Variants in ASIC2 observed in about 807,000 individuals in gnomAD.
ASIC2 encodes the protein acid sensing ion channel subunit 2.
A neutral mutation model predicts 57.3 loss-of-function variants in ASIC2; 25 were observed. The observed-to-expected ratio is 0.44, with a 90% CI of 0.32 to 0.61. ASIC2 has a LOEUF of 0.61. ASIC2 is among the 20% of genes least tolerant of loss of function. The pLI, the probability that ASIC2 is intolerant of heterozygous loss-of-function variation, is 0.06. For missense variants in ASIC2, 641 were observed against 738.1 expected (o/e 0.87, Z 1.52); for synonymous variants, 319 against 307.5 (o/e 1.04, Z -0.39).
chr17:33,660,719 T>C (rs1267057189), intron 1 of ASIC2, among the ~76,000 whole-genome samples: 3 of 152,252 alleles, frequency 2.0e-5, no homozygotes, highest in Admixed American at 1.3e-4. Context: ...TGCTGCGCTA[T>C]GATACCACAT....
intron 1 of ASIC2, among the ~76,000 whole-genome samples, chr17:34,014,953 C>T (rs548282521): frequency 5.6e-4 from 85 of 151,582 alleles, no homozygotes; most frequent in African/African-American, 1.8e-3. Flanking sequence ...GGCACAATCA[C>T]GGCTCACTGA....
intron 1 of ASIC2, among the ~76,000 whole-genome samples, chr17:33,124,933 A>C (rs1320003176): frequency 6.6e-6 from 1 of 152,186 alleles, no homozygotes; most frequent in African/African-American, 2.4e-5. Flanking sequence ...GGCACAACCT[A>C]GATCCCTCAC....
chr17:33,539,574 A>T (rs773963710), intron 1 of ASIC2, among the ~76,000 whole-genome samples: 11 of 152,376 alleles, frequency 7.2e-5, no homozygotes, highest in Middle Eastern at 3.4e-3. Context: ...TAGAAGTGCA[A>T]CCATCGTGCA....
intron 1 of ASIC2, among the ~76,000 whole-genome samples, chr17:33,690,802 T>G (rs1485874167): frequency 7.1e-6 from 1 of 140,752 alleles, no homozygotes; most frequent in African/African-American, 2.7e-5. Context: ...CAGACTGGAG[T>G]TCAGTGGCGC....
intron 1 of ASIC2, among the ~76,000 whole-genome samples, chr17:33,743,304 C>T (rs898724904): frequency 1.3e-5 from 2 of 152,230 alleles, no homozygotes; most frequent in Non-Finnish European, 2.9e-5. Context: ...GCACTTGAGC[C>T]ACAACTTGCT....
chr17:33,447,681 A>G (rs11656936), intron 1 of ASIC2, among the ~76,000 whole-genome samples: 28,774 of 152,070 alleles, frequency 0.19, 2,989 homozygotes, highest in Middle Eastern at 0.25. Flanking sequence ...TTCAAGAGAG[A>G]TACAAAAGAG....
intron 1 of ASIC2, among the ~76,000 whole-genome samples, chr17:33,635,871 C>T (rs1012030310): frequency 1.3e-5 from 2 of 152,186 alleles, no homozygotes; most frequent in Non-Finnish European, 2.9e-5. Context: ...TGCTAAGGCA[C>T]ACACAAGGAT....
At chr17:33,149,464 A>G (rs1471580100) in intron 1 of ASIC2, among the ~76,000 whole-genome samples, 1 of 152,248 alleles carries the variant, frequency 6.6e-6, no homozygotes, top group East Asian at 1.9e-4. Context: ...GTTTGAGTGA[A>G]GTTGACTATT....
intron 1 of ASIC2, among the ~76,000 whole-genome samples, chr17:33,461,338 C>T (rs565815506): frequency 6.6e-6 from 1 of 152,188 alleles, no homozygotes; most frequent in African/African-American, 2.4e-5. Context: ...TTTCCCATTG[C>T]CCTTCTCTAT....
At chr17:33,174,952 G>T (rs1235392754) in intron 1 of ASIC2, among the ~76,000 whole-genome samples, 1 of 152,154 alleles carries the variant, frequency 6.6e-6, no homozygotes, top group East Asian at 1.9e-4. Context: ...CTCTGTCCTT[G>T]TGGATGGACC....
chr17:33,897,722 A>G (rs921091647), intron 1 of ASIC2, among the ~76,000 whole-genome samples: 3 of 152,188 alleles, frequency 2.0e-5, no homozygotes, highest in Admixed American at 6.5e-5. Context: ...CTGAAATTCT[A>G]GTTTCCTAGC....
intron 1 of ASIC2, among the ~76,000 whole-genome samples, chr17:34,052,043 C>T (rs1183792353): frequency 6.6e-6 from 1 of 152,162 alleles, no homozygotes; most frequent in Non-Finnish European, 1.5e-5. Flanking sequence ...ATACTTGGTT[C>T]TCATTCTTGA....
intron 1 of ASIC2, among the ~76,000 whole-genome samples, chr17:33,451,038 A>T (rs1302276800): frequency 6.7e-6 from 1 of 148,318 alleles, no homozygotes; most frequent in Non-Finnish European, 1.5e-5. Flanking sequence ...CTTGTAGAAA[A>T]TTTGTCAGAG....
At chr17:33,755,526 C>G (rs1910577277) in intron 1 of ASIC2, among the ~76,000 whole-genome samples, 1 of 152,170 alleles carries the variant, frequency 6.6e-6, no homozygotes, top group Admixed American at 6.6e-5. Flanking sequence ...AAGCAGAAAC[C>G]TGCTCTTAGA....
At chr17:33,419,892 TG>T (rs1156401890) in intron 1 of ASIC2, among the ~76,000 whole-genome samples, 1 of 152,126 alleles carries the variant, frequency 6.6e-6, no homozygotes, top group African/African-American at 2.4e-5. Context: ...ACAGACAGTG[TG>T]GTTCCATTTG....
chr17:33,829,138 T>A (rs1331163836), intron 1 of ASIC2, among the ~76,000 whole-genome samples: 1 of 152,102 alleles, frequency 6.6e-6, no homozygotes, highest in African/African-American at 2.4e-5. Flanking sequence ...AGGTCTTCCC[T>A]GAGAAAGAGA....
intron 1 of ASIC2, among the ~76,000 whole-genome samples, chr17:34,123,685 G>A (rs1911692703): frequency 6.6e-6 from 1 of 152,344 alleles, no homozygotes; most frequent in African/African-American, 2.4e-5. Context: ...TTCCGTCTGT[G>A]AAATGGAACA....
intron 1 of ASIC2, among the ~76,000 whole-genome samples, chr17:34,126,693 C>A (rs750337085): frequency 2.6e-5 from 4 of 152,164 alleles, no homozygotes; most frequent in African/African-American, 7.2e-5. Context: ...TGACTCTGAA[C>A]GAAGAGGCAA....
intron 7 of ASIC2, among the ~76,000 whole-genome samples, chr17:33,020,424 G>A (rs1229086285): frequency 1.3e-5 from 2 of 152,184 alleles, no homozygotes; most frequent in Non-Finnish European, 2.9e-5. Context: ...ACGTCACCTG[G>A]TTCAGCTCAG....
Sources: gnomAD v4.1 joint callset for allele counts (sites outside exome capture counted in the v4.1 genomes callset) on GRCh38, gnomAD v4.1.1 for gene constraint, MANE v1.5 for transcripts, NCBI Gene and HGNC (gene_info 2026-07-23, HGNC 2026-07-21) for gene names.